The following RYR2 variants were observed in gnomAD, a reference collection of about 807,000 sequenced individuals.
The protein encoded by RYR2 is cardiac muscle ryanodine receptor-calcium release channel.
Under a neutral mutation model 601.1 loss-of-function variants are expected in RYR2, and 227 were observed. The observed-to-expected ratio is 0.38, with a 90% CI of 0.34 to 0.42. The LOEUF is 0.42. Among genes scored for constraint, RYR2 ranks in the 10% least tolerant of loss-of-function variants. RYR2 has a pLI of 1.00. For missense variants in RYR2, 4,646 were observed against 6,156.5 expected, an observed-to-expected ratio of 0.75 and a Z score of 8.21; for synonymous variants, 2,223 against 2,175.1, an observed-to-expected ratio of 1.02 and a Z score of -0.61.
At chr1:237,193,416 CG>C (rs1291244751) in intron 1 of RYR2, among the ~76,000 whole-genome samples, 4 of 152,058 alleles carry the variant, frequency 2.6e-5, no homozygotes, top group African/African-American at 4.8e-5. Context: ...GCAGAGATCG[CG>C]CCACTGCACT....
intron 1 of RYR2, among the ~76,000 whole-genome samples, chr1:237,267,168 G>A (rs745599437): frequency 1.3e-5 from 2 of 152,130 alleles, no homozygotes; most frequent in Admixed American, 1.3e-4. Context: ...TTTAATATTT[G>A]ACTGTTAAAG....
chr1:237,701,125 G>A (rs149293500), intron 65 of RYR2, among the ~76,000 whole-genome samples: 9 of 152,364 alleles, frequency 5.9e-5, no homozygotes, highest in East Asian at 1.9e-4. Flanking sequence ...ACTCAGACTC[G>A]TGCATTGTCC....
chr1:237,566,842 C>G, intron 28 of RYR2, 67 bp downstream of exon 28: 1 of 1,504,844 alleles, frequency 6.6e-7, no homozygotes, highest in Admixed American at 1.7e-5. Context: ...TGCTGTTCCT[C>G]TTGGTAGCTT....
chr1:237,829,038 A>G (rs1481389084), intron 102 of RYR2, among the ~76,000 whole-genome samples: 1 of 152,180 alleles, frequency 6.6e-6, no homozygotes, highest in African/African-American at 2.4e-5. Flanking sequence ...AGGGAAGTTG[A>G]TGTGCAGGTT....
intron 86 of RYR2, among the ~76,000 whole-genome samples, 199 bp downstream of exon 86, chr1:237,772,299 A>G (rs141999437): frequency 0.016 from 2,455 of 152,240 alleles, 25 homozygotes; most frequent in Middle Eastern, 0.037. Flanking sequence ...ACTTTTGCTC[A>G]TTATTTTATT....
chr1:237,554,801 T>C (rs1670724775), intron 27 of RYR2, among the ~76,000 whole-genome samples: 1 of 152,084 alleles, frequency 6.6e-6, no homozygotes, highest in Non-Finnish European at 1.5e-5. Flanking sequence ...ATTCTTTTAA[T>C]GTCTGTAGGA....
chr1:237,589,743 C>T (rs1404374497), intron 29 of RYR2, 50 bp from the exon 30 acceptor site: 1 of 1,542,954 alleles, frequency 6.5e-7, no homozygotes, highest in Non-Finnish European at 8.9e-7. Context: ...TCTATACTAA[C>T]AGGATCATAT....
intron 1 of RYR2, among the ~76,000 whole-genome samples, chr1:237,267,823 A>G (rs1689225021): frequency 6.6e-6 from 1 of 152,194 alleles, no homozygotes; most frequent in Non-Finnish European, 1.5e-5. Flanking sequence ...TACAGACTGA[A>G]TTATCTGAAT....
rs145039111 is a variant in RYR2 at position 237,374,863 on chromosome 1, C to T, written c.463+68C>T. 1,106 of 1,171,304 alleles carry T rather than the reference C, an allele frequency of 9.4e-4. 9 individuals carry two copies. In the African/African-American group the frequency reaches 0.015, roughly 16 times the overall value. The allele number at this position is 1,171,304 out of a possible 1,614,324, so 72.6% of individuals were successfully genotyped here. On this transcript the variant is annotated intron_variant, in intron 7 of 104. Transcript: ENST00000366574. Reference sequence around the variant, plus strand: ...CTGCAGGGGTTGGATTGGAAGAAGCCGGGAAATACGATACATGGGATGAAT... The same window carrying T: ...CTGCAGGGGTTGGATTGGAAGAAGCTGGGAAATACGATACATGGGATGAAT...
At chr1:237,371,176 G>T (rs1460255827) in intron 6 of RYR2, among the ~76,000 whole-genome samples, 1 of 150,868 alleles carries the variant, frequency 6.6e-6, no homozygotes. Context: ...TTTGTTTTTT[G>T]AGATAGGGTC....
chr1:237,714,990 TCAAAAAAAAAAAAAAAAA>T (rs1689144976), intron 71 of RYR2, among the ~76,000 whole-genome samples: 1 of 89,382 alleles, frequency 1.1e-5, no homozygotes, highest in African/African-American at 6.9e-5. Flanking sequence ...AGACTCCATC[TCAAAAAAAAAAAAAAAAA>T]AAAAAAAAAA....
intron 1 of RYR2, among the ~76,000 whole-genome samples, chr1:237,072,185 C>T (rs1283356167): frequency 6.6e-6 from 1 of 152,226 alleles, no homozygotes; most frequent in Non-Finnish European, 1.5e-5. Flanking sequence ...CTCGTGCCCT[C>T]CGGCTCCATG....
chr1:237,635,089 T>C, intron 44 of RYR2, 97 bp downstream of exon 44: 1 of 983,330 alleles, frequency 1.0e-6, no homozygotes, highest in Non-Finnish European at 1.4e-6. Context: ...CAGAAGTCAT[T>C]GTGGTTTTGC....
At chr1:237,603,871 ACTAT>A (rs1418126797) in intron 35 of RYR2, among the ~76,000 whole-genome samples, 3 of 152,222 alleles carry the variant, frequency 2.0e-5, no homozygotes, top group Non-Finnish European at 4.4e-5. Context: ...AGAAAAGCTA[ACTAT>A]CCTAAATATA....
intron 87 of RYR2, among the ~76,000 whole-genome samples, chr1:237,776,196 A>C (rs1480158058): frequency 1.3e-5 from 2 of 152,194 alleles, no homozygotes; most frequent in African/African-American, 4.8e-5. Flanking sequence ...CCAAGCTGAC[A>C]CTGAACATCG....
chr1:237,113,417 T>G (rs1392842176), intron 1 of RYR2, among the ~76,000 whole-genome samples: 3 of 151,936 alleles, frequency 2.0e-5, no homozygotes, highest in Non-Finnish European at 4.4e-5. Flanking sequence ...ACCAGGCTGG[T>G]CTCGAACTCC....
At chr1:237,715,171 A>G (rs765786902) in intron 71 of RYR2, among the ~76,000 whole-genome samples, 4 of 152,168 alleles carry the variant, frequency 2.6e-5, no homozygotes, top group Non-Finnish European at 4.4e-5. Context: ...CATTAGCTTT[A>G]GCGGCTCTGT....
At chr1:237,593,058 A>G (rs2805412) in intron 32 of RYR2, among the ~76,000 whole-genome samples, 59,484 of 150,570 alleles carry the variant, frequency 0.4, 13,245 homozygotes, top group Admixed American at 0.5. Context: ...ATTTGCATAC[A>G]TGTATAAGCT....
chr1:237,125,612 T>C (rs1275763038), intron 1 of RYR2, among the ~76,000 whole-genome samples: 1 of 152,228 alleles, frequency 6.6e-6, no homozygotes, highest in Non-Finnish European at 1.5e-5. Context: ...ATTAACGTCA[T>C]TGTTTTTGTG....
Sources: gnomAD v4.1 joint callset for allele counts (sites outside exome capture counted in the v4.1 genomes callset) on GRCh38, gnomAD v4.1.1 for gene constraint, MANE v1.5 for transcripts, NCBI Gene and HGNC (gene_info 2026-07-23, HGNC 2026-07-21) for gene names.